FAM193A: variants seen among roughly 807,000 people sequenced by gnomAD.
The protein encoded by FAM193A is protein FAM193A.
In FAM193A, 22 loss-of-function variants were observed where a neutral mutation model predicts 126.5. The ratio of observed to expected loss-of-function variants is 0.17; its 90% CI spans 0.12 to 0.25. FAM193A has a LOEUF of 0.25. FAM193A is among the 10% of genes least tolerant of loss of function. The probability of loss-of-function intolerance (pLI) is 1.00; values close to 1 mark genes in which losing one functional copy is unlikely to be tolerated. For missense variants in FAM193A, 1,675 were observed against 1,672.8 expected (o/e 1.00, Z -0.02); for synonymous variants, 761 against 646.8 (o/e 1.18, Z -2.68).
At chr4:2,727,494 C>A (rs1002095744) in intron 20 of FAM193A, among the ~76,000 whole-genome samples, 4 of 152,144 alleles carry the variant, frequency 2.6e-5, no homozygotes, top group African/African-American at 9.7e-5. Flanking sequence ...AGTTACAGTT[C>A]CTTAGAGCCA....
At chr4:2,602,270 G>A (rs1553892381) in intron 2 of FAM193A, among the ~76,000 whole-genome samples, 1 of 151,276 alleles carries the variant, frequency 6.6e-6, no homozygotes, top group Non-Finnish European at 1.5e-5. Flanking sequence ...GTTTCCTCTG[G>A]CTCTCTCTCT....
chr4:2,551,922 C>A (rs1737944081), intron 1 of FAM193A, among the ~76,000 whole-genome samples: 1 of 151,688 alleles, frequency 6.6e-6, no homozygotes, highest in Admixed American at 6.6e-5. Context: ...CTCACTGTAA[C>A]CTTGAACTCC....
intron 20 of FAM193A, among the ~76,000 whole-genome samples, chr4:2,721,708 T>C (rs543738317): frequency 2.6e-5 from 4 of 152,320 alleles, no homozygotes; most frequent in Non-Finnish European, 5.9e-5. Flanking sequence ...GCATAACTGT[T>C]AAATTACTTT....
intron 2 of FAM193A, among the ~76,000 whole-genome samples, chr4:2,597,515 G>A (rs546509946): frequency 1.3e-5 from 2 of 152,240 alleles, no homozygotes; most frequent in Admixed American, 6.5e-5. Context: ...AGAGGCCAGC[G>A]GAAGTGCCTA....
intron 5 of FAM193A, among the ~76,000 whole-genome samples, chr4:2,636,046 T>A (rs541147145): frequency 6.6e-6 from 1 of 151,152 alleles, no homozygotes; most frequent in South Asian, 2.1e-4. Context: ...AAGGAATAAT[T>A]TGTCTTTTTG....
intron 1 of FAM193A, among the ~76,000 whole-genome samples, chr4:2,582,427 G>T (rs777903817): frequency 2.6e-5 from 4 of 152,116 alleles, no homozygotes; most frequent in Non-Finnish European, 4.4e-5. Context: ...GAGCCCCATC[G>T]TACTTGGTCA....
At chr4:2,616,986 C>T (rs865954403) in intron 2 of FAM193A, among the ~76,000 whole-genome samples, 4 of 145,950 alleles carry the variant, frequency 2.7e-5, no homozygotes, top group Non-Finnish European at 4.6e-5. Context: ...TTGAGCAACA[C>T]GAAGAAACCC....
At chr4:2,540,118 CAAA>C (rs35943546) in intron 1 of FAM193A, among the ~76,000 whole-genome samples, 6 of 137,910 alleles carry the variant, frequency 4.4e-5, no homozygotes, top group Non-Finnish European at 7.8e-5. Context: ...AACTCTGTCT[CAAA>C]AAAAAAAAAA....
intron 1 of FAM193A, among the ~76,000 whole-genome samples, chr4:2,540,971 T>TG (rs1737197336): frequency 3.0e-5 from 3 of 100,816 alleles, no homozygotes; most frequent in Non-Finnish European, 5.9e-5. Context: ...AAAATCCGTC[T>TG]CAAAAAAAAA....
In FAM193A at chr4:2,646,829, G is replaced by T; in HGVS notation, c.1308G>T (p.Glu436Asp). ...AGAGGATCGACGCCTATGTCGACGA[G>T]CAGGTGAGTGCCACCCGGGACCACC... ...CQKRIDAYVD[E>D]QMTMKTKQRM... The change falls in exon 7 of 21, where the codon GAG (glutamate) becomes GAT (aspartate). Residue 436 changes from glutamate to aspartate, a missense_variant. This residue lies in a region of FAM193A where 1,186 missense variants were observed against 1,109.2 expected (regional missense o/e 1.07). Coordinates refer to ENST00000637812, the MANE Select transcript of FAM193A (RefSeq NM_001366318.2). 6.2e-7 allele frequency: 1 copy of T among 1,611,314 alleles called. No homozygotes were observed. Among genetic ancestry groups the T allele is most frequent in the Non-Finnish European group, 8.5e-7 (1 of 1,178,792 alleles).
intron 2 of FAM193A, among the ~76,000 whole-genome samples, chr4:2,612,110 A>G (rs964860146): frequency 6.6e-6 from 1 of 151,856 alleles, no homozygotes; most frequent in East Asian, 2.0e-4. Context: ...TGCTGGGATT[A>G]CAGGCGTGAG....
chr4:2,631,529 T>C (rs1266547758), intron 5 of FAM193A, among the ~76,000 whole-genome samples: 1 of 152,206 alleles, frequency 6.6e-6, no homozygotes, highest in African/African-American at 2.4e-5. Flanking sequence ...GTTCATTCTT[T>C]CGTTGCTGTA....
At chr4:2,620,767 C>T (rs1030821010) in intron 2 of FAM193A, among the ~76,000 whole-genome samples, 1 of 133,480 alleles carries the variant, frequency 7.5e-6, no homozygotes, top group Admixed American at 8.7e-5. Context: ...ACCCAGGAGG[C>T]GGAGTTTGCA....
chr4:2,729,274 C>T (rs1055350458), intron 20 of FAM193A, among the ~76,000 whole-genome samples: 1 of 152,030 alleles, frequency 6.6e-6, no homozygotes. Context: ...AAGGGAAGAT[C>T]GCCTCAGGTG....
rs1173513047 is a variant in FAM193A at position 2,590,505 on chromosome 4, A to C, written c.256-5579A>C. Among the ~76,000 whole-genome samples the C allele has an allele frequency of 1.3e-4, 8 of 61,840 alleles. 2 individuals are homozygous for C. Among genetic ancestry groups the C allele is most frequent in the East Asian group, 1.0e-3 (2 of 1,964 alleles). The allele number at this position is 61,840 out of a possible 152,430, so 40.6% of individuals were successfully genotyped here. A position where few individuals can be genotyped will look rare whatever the true frequency, so the allele number is the denominator to read the frequency against. Reference sequence around the variant, plus strand: ...AAAAAACAAAAAAAAACAAAAAAAAACAAAAAAAAAACAAAACAAAATTAA... The same window carrying C: ...AAAAAACAAAAAAAAACAAAAAAAACCAAAAAAAAAACAAAACAAAATTAA... On this transcript the variant is annotated intron_variant, in intron 1 of 20. Transcript: ENST00000637812.
Position 2,607,951 on chromosome 4 carries a change from C to A in FAM193A, c.501+11622C>A. 4 of 1,465,312 alleles carry A rather than the reference C, an allele frequency of 2.7e-6. No individual in the cohort carries two copies. In the South Asian group the frequency reaches 3.8e-5, roughly 14 times the overall value. The allele number at this position is 1,465,312 out of a possible 1,614,324, so 90.8% of individuals were successfully genotyped here. Reference sequence around the variant, plus strand: ...TCGCTTTATGAACACAGATTCTTTTCTTTTTTTAACCTTGAGATGCTACCA... The same window carrying A: ...TCGCTTTATGAACACAGATTCTTTTATTTTTTTAACCTTGAGATGCTACCA... On this transcript the variant is annotated intron_variant, in intron 2 of 20. Transcript: ENST00000637812.
chr4:2,627,677 A>G (rs1333563127), intron 4 of FAM193A, among the ~76,000 whole-genome samples: 1 of 147,320 alleles, frequency 6.8e-6, no homozygotes, highest in African/African-American at 2.6e-5. Context: ...GCCTGAGTTC[A>G]AGTGATTCTC....
intron 13 of FAM193A, among the ~76,000 whole-genome samples, chr4:2,679,805 T>G (rs188204487): frequency 3.3e-5 from 5 of 152,230 alleles, no homozygotes; most frequent in African/African-American, 1.2e-4. Context: ...TCTTTAAATA[T>G]TTGGTAGAAT....
rs762067878 is a variant in FAM193A, at chr4:2,630,956, C to T, written c.825C>T (p.Tyr275=). Residue 275 remains tyrosine, a synonymous_variant, in exon 5 of 21, where the codon TAC becomes TAT. Coordinates refer to ENST00000637812, the MANE Select transcript of FAM193A (RefSeq NM_001366318.2). The part of the protein sequence containing the change: ...LVDRLCERDP[Y]QLYQRLEQQA... ...GCAGGCTCTGCGAGAGGGACCCCTA[C>T]CAGCTGTACCAGCGTCTGGAACAGC... 1.9e-6 allele frequency: 3 copies of T among 1,607,320 alleles called. No homozygotes were observed. Among genetic ancestry groups the T allele is most frequent in the East Asian group, 2.2e-5 (1 of 44,852 alleles).
Sources: allele counts gnomAD v4.1 joint callset (sites outside exome capture counted in the v4.1 genomes callset), GRCh38; gene constraint gnomAD v4.1.1; regional missense constraint gnomAD v4.1.1; transcripts MANE v1.5; gene names NCBI Gene and HGNC (gene_info 2026-07-23, HGNC 2026-07-21).